Variants in ZNF516 observed in about 807,000 individuals in gnomAD.
ZNF516 encodes the protein zinc finger protein 516.
In ZNF516, 19 loss-of-function variants were observed where a neutral mutation model predicts 79.7. The ratio of observed to expected loss-of-function variants is 0.24; its 90% CI spans 0.17 to 0.35. The LOEUF is 0.35. Ranked by LOEUF, ZNF516 falls within the 10% of genes least tolerant of loss-of-function variation. The probability of loss-of-function intolerance (pLI) is 1.00; values close to 1 mark genes in which losing one functional copy is unlikely to be tolerated. For synonymous variants in ZNF516, 877 were observed against 739.5 expected (o/e 1.19, Z -3.02); for missense variants, 1,678 against 1,679.5 (o/e 1.00, Z 0.02).
Position 76,442,446 on chromosome 18 carries a change from C to T in ZNF516, c.609G>A (p.Arg203=). Residue 203 remains arginine, a synonymous_variant, in exon 3 of 7, where the codon AGG becomes AGA. Transcript: ENST00000443185. ...VHQAHKPFKC[R]LCSYATLREE... is the part of the protein sequence containing the mutation. The stretch of plus-strand genomic sequence containing the variant: ...CCCGCAGCGTCGCGTAGCTGCACAG[C>T]CTGCACTTGAACGGCTTGTGCGCCT... 2.5e-6 allele frequency: 4 copies of T among 1,606,688 alleles called. No individual in the cohort carries two copies. Among genetic ancestry groups the T allele is most frequent in the Non-Finnish European group, 3.4e-6 (4 of 1,179,670 alleles).
chr18:76,474,335 A>G (rs1380325545), intron 1 of ZNF516, among the ~76,000 whole-genome samples: 1 of 152,216 alleles, frequency 6.6e-6, no homozygotes, highest in African/African-American at 2.4e-5. Flanking sequence ...AACCACAAGG[A>G]AGGCTCTAAA....
At chr18:76,390,834 C>T (rs1385476672) in intron 3 of ZNF516, among the ~76,000 whole-genome samples, 1 of 152,198 alleles carries the variant, frequency 6.6e-6, no homozygotes, top group East Asian at 1.9e-4. Context: ...AGGAACTTCA[C>T]ATCCATGACC....
chr18:76,487,532 A>G (rs1355206758), intron 1 of ZNF516, among the ~76,000 whole-genome samples: 2 of 152,248 alleles, frequency 1.3e-5, no homozygotes, highest in Non-Finnish European at 2.9e-5. Context: ...TTCTAAAGTC[A>G]TAGTAAAAGT....
At chr18:76,437,837 C>T (rs896753519) in intron 3 of ZNF516, among the ~76,000 whole-genome samples, 2 of 152,202 alleles carry the variant, frequency 1.3e-5, no homozygotes, top group Admixed American at 6.5e-5. Flanking sequence ...TATTTTCAGG[C>T]TGTGGTTGCT....
intron 3 of ZNF516, among the ~76,000 whole-genome samples, chr18:76,407,443 T>G (rs1477479978): frequency 2.0e-5 from 3 of 149,658 alleles, no homozygotes; most frequent in Non-Finnish European, 3.0e-5. Context: ...AGGGGGGGAG[T>G]GGAGAGGAGG....
intron 3 of ZNF516, among the ~76,000 whole-genome samples, chr18:76,437,024 G>A (rs1338531021): frequency 2.0e-5 from 3 of 151,274 alleles, no homozygotes; most frequent in South Asian, 2.1e-4. Context: ...CTGAGATTGT[G>A]CCACTGCACT....
intron 1 of ZNF516, among the ~76,000 whole-genome samples, chr18:76,487,684 C>T (rs1914908175): frequency 1.3e-5 from 2 of 152,092 alleles, no homozygotes; most frequent in African/African-American, 4.8e-5. Flanking sequence ...AGTTCTCATC[C>T]AATGGTGGGT....
At chr18:76,409,890 G>A (rs1039736629) in intron 3 of ZNF516, among the ~76,000 whole-genome samples, 6 of 152,214 alleles carry the variant, frequency 3.9e-5, no homozygotes, top group African/African-American at 1.4e-4. Flanking sequence ...CATGTGTCAA[G>A]GGTGGGGCCA....
At chr18:76,456,752 T>A (rs1217054023) in intron 2 of ZNF516, among the ~76,000 whole-genome samples, 1 of 117,598 alleles carries the variant, frequency 8.5e-6, no homozygotes, top group Non-Finnish European at 1.8e-5. Flanking sequence ...GGCTGGGGGG[T>A]GGGGGGGGGC....
chr18:76,383,035 CAAAAAAAAAAA>C (rs772423972), intron 3 of ZNF516, among the ~76,000 whole-genome samples: 1 of 49,798 alleles, frequency 2.0e-5, no homozygotes, highest in East Asian at 5.8e-4. Context: ...GACTCTGTCT[CAAAAAAAAAAA>C]AAAAAAAAAA....
At chr18:76,485,682 T>C (rs971892024) in intron 1 of ZNF516, among the ~76,000 whole-genome samples, 1 of 152,098 alleles carries the variant, frequency 6.6e-6, no homozygotes. Flanking sequence ...TCCTGCAACA[T>C]GGCATAAGAG....
At chr18:76,391,383 A>G (rs1407971707) in intron 3 of ZNF516, among the ~76,000 whole-genome samples, 2 of 152,118 alleles carry the variant, frequency 1.3e-5, no homozygotes, top group Non-Finnish European at 2.9e-5. Context: ...CTAACCGTGA[A>G]CCAACCATAA....
At chr18:76,478,433 T>C (rs915078729) in intron 1 of ZNF516, among the ~76,000 whole-genome samples, 1 of 151,866 alleles carries the variant, frequency 6.6e-6, no homozygotes, top group Non-Finnish European at 1.5e-5. Context: ...CAGCAAATTA[T>C]GAAAAAAAAG....
intron 2 of ZNF516, among the ~76,000 whole-genome samples, chr18:76,453,212 G>A (rs1366665535): frequency 2.0e-5 from 3 of 152,162 alleles, no homozygotes; most frequent in African/African-American, 7.2e-5. Context: ...ACAAAGAGCT[G>A]GCGTTAGGGA....
intron 3 of ZNF516, among the ~76,000 whole-genome samples, chr18:76,391,419 C>T (rs983321698): frequency 6.6e-6 from 1 of 152,132 alleles, no homozygotes; most frequent in Non-Finnish European, 1.5e-5. Flanking sequence ...CTAACCATAA[C>T]CACTAACTCT....
chr18:76,450,990 G>A (rs1231068292), intron 2 of ZNF516, among the ~76,000 whole-genome samples: 1 of 152,154 alleles, frequency 6.6e-6, no homozygotes, highest in Admixed American at 6.5e-5. Context: ...CTCGTATTTA[G>A]AGTCATTTCC....
At position 76,480,529 on chromosome 18, in the gene ZNF516, A is replaced by T. The variant is rs28760478; in HGVS notation, c.-272+14615T>A. Reference sequence around the variant, plus strand: ...CACACACACACACACACACACATATATTTTTTTTTTTGAGACGGAGTCTTG... The same window carrying T: ...CACACACACACACACACACACATATTTTTTTTTTTTTGAGACGGAGTCTTG... On this transcript the variant is annotated intron_variant, in intron 1 of 6. Transcript: ENST00000443185. Among the ~76,000 whole-genome samples the T allele has an allele frequency of 4.5e-4, 64 of 142,054 alleles. 1 individual carries two copies. Among genetic ancestry groups the T allele is most frequent in the African/African-American group, 1.3e-3 (49 of 38,136 alleles). 93.2% of individuals were successfully genotyped at this position (142,054 alleles called of 152,430 possible).
At chr18:76,423,404 A>C (rs766859766) in intron 3 of ZNF516, among the ~76,000 whole-genome samples, 10 of 152,248 alleles carry the variant, frequency 6.6e-5, no homozygotes, top group Non-Finnish European at 1.0e-4. Flanking sequence ...CTGGCAGGAG[A>C]TAAGGCTCAT....
At chr18:76,428,610 T>C (rs1225609159) in intron 3 of ZNF516, among the ~76,000 whole-genome samples, 2 of 152,154 alleles carry the variant, frequency 1.3e-5, no homozygotes, top group Non-Finnish European at 2.9e-5. Context: ...CAAGACATAC[T>C]GTCACGTGGG....
Sources: gnomAD v4.1 joint callset for allele counts (sites outside exome capture counted in the v4.1 genomes callset) on GRCh38, gnomAD v4.1.1 for gene constraint, MANE v1.5 for transcripts, NCBI Gene and HGNC (gene_info 2026-07-23, HGNC 2026-07-21) for gene names.